The following AP2B1 variants were observed in gnomAD, a reference collection of about 807,000 sequenced individuals.
The protein encoded by AP2B1 is adaptor related protein complex 2 subunit beta 1.
In AP2B1, 23 loss-of-function variants were observed where a neutral mutation model predicts 102.0. That is an observed-to-expected ratio of 0.23 (90% CI 0.16 to 0.32). The LOEUF (loss-of-function observed/expected upper bound fraction) is 0.32, where lower values mean the gene tolerates loss of function less well. Among genes scored for constraint, AP2B1 ranks in the 10% least tolerant of loss-of-function variants. The pLI is 1.00. For synonymous variants in AP2B1, 381 were observed against 421.2 expected (o/e 0.90, Z 1.17); for missense variants, 541 against 1,157.4 (o/e 0.47, Z 7.73).
intron 5 of AP2B1, among the ~76,000 whole-genome samples, chr17:35,614,084 TA>T: frequency 6.6e-6 from 1 of 152,218 alleles, no homozygotes; most frequent in Non-Finnish European, 1.5e-5. Context: ...CAGAGGCATT[TA>T]GGGGTATTCA....
At chr17:35,683,966 A>G (rs1347023399) in intron 18 of AP2B1, among the ~76,000 whole-genome samples, 2 of 152,250 alleles carry the variant, frequency 1.3e-5, no homozygotes, top group African/African-American at 2.4e-5. Context: ...GGCCCAATCA[A>G]TGCCATAGAT....
intron 9 of AP2B1, among the ~76,000 whole-genome samples, chr17:35,635,407 C>A (rs948851131): frequency 6.6e-6 from 1 of 151,958 alleles, no homozygotes; most frequent in Non-Finnish European, 1.5e-5. Flanking sequence ...TTTTTTGAGA[C>A]GGAGTCTCGT....
chr17:35,601,979 G>T (rs2073504141), intron 3 of AP2B1, among the ~76,000 whole-genome samples: 1 of 152,144 alleles, frequency 6.6e-6, no homozygotes, highest in Non-Finnish European at 1.5e-5. Context: ...GTTTCTGCAT[G>T]TTGGTCAGGC....
At chr17:35,699,911 C>G (rs1397692290) in intron 18 of AP2B1, among the ~76,000 whole-genome samples, 1 of 151,896 alleles carries the variant, frequency 6.6e-6, no homozygotes, top group Non-Finnish European at 1.5e-5. Flanking sequence ...CTAGTCTATT[C>G]CAGTATGTAG....
chr17:35,723,226 C>T (rs185252305), intron 21 of AP2B1, among the ~76,000 whole-genome samples: 2 of 152,212 alleles, frequency 1.3e-5, no homozygotes, highest in Non-Finnish European at 1.5e-5. Flanking sequence ...ATCCTCTTGT[C>T]AGACTGAGAA....
chr17:35,613,520 A>G (rs1278052492), intron 5 of AP2B1, among the ~76,000 whole-genome samples: 2 of 152,188 alleles, frequency 1.3e-5, no homozygotes, highest in African/African-American at 4.8e-5. Context: ...AGAAAAGATG[A>G]ATTTAGAAGT....
intron 6 of AP2B1, among the ~76,000 whole-genome samples, chr17:35,626,031 G>C (rs1308932922): frequency 2.0e-5 from 3 of 152,036 alleles, no homozygotes; most frequent in Admixed American, 6.6e-5. Flanking sequence ...GCTAGGAGAG[G>C]GGGGAGACAG....
intron 13 of AP2B1, among the ~76,000 whole-genome samples, chr17:35,652,870 A>T (rs562299694): frequency 1.3e-5 from 2 of 152,236 alleles, no homozygotes; most frequent in Non-Finnish European, 2.9e-5. Flanking sequence ...ATGTCAGAAG[A>T]TGACAGAATT....
Position 35,608,104 on chromosome 17 carries a change from C to T in AP2B1, c.280-38C>T, listed in dbSNP as rs201639784. On this transcript the variant is annotated intron_variant, in intron 4 of 21. Transcript: ENST00000610402. ...AACTGGACTGTTTACTTTTAGCCAC[C>T]ATGTATACCTACAGTTGTTGGTGAT... 346 of 1,608,336 alleles carry T rather than the reference C, an allele frequency of 2.2e-4. 1 individual carries two copies. The highest frequency in any genetic ancestry group is 2.6e-4 in the Non-Finnish European group (310 of 1,177,384).
intron 21 of AP2B1, among the ~76,000 whole-genome samples, chr17:35,720,035 T>C (rs1248833067): frequency 5.9e-5 from 9 of 152,164 alleles, no homozygotes; most frequent in African/African-American, 2.2e-4. Context: ...ACTTGAAAGA[T>C]GTCACTTTAT....
rs1209316866 is a variant in AP2B1 at position 35,725,923 on chromosome 17, C to CTCTT, written c.*2225_*2228dup. Reference sequence around the variant, plus strand: ...TGACCTGACTGAGCCAACCCATGAACTCTTCACTCCTTGGGGAAGCCACCT... The same window carrying CTCTT: ...TGACCTGACTGAGCCAACCCATGAACTCTTTCTTCACTCCTTGGGGAAGCCACCT... On this transcript the variant is annotated 3_prime_UTR_variant, in exon 22 of 22. Coordinates refer to ENST00000610402, the MANE Select transcript of AP2B1 (RefSeq NM_001030006.2). 1 of 152,184 alleles carries CTCTT rather than the reference C, an allele frequency of 6.6e-6. No homozygotes were observed. Among genetic ancestry groups the CTCTT allele is most frequent in the Non-Finnish European group, 1.5e-5 (1 of 68,058 alleles). 9.4% of individuals were successfully genotyped at this position (152,184 alleles called of 1,614,324 possible). A position where few individuals can be genotyped will look rare whatever the true frequency, so the allele number is the denominator to read the frequency against.
intron 5 of AP2B1, among the ~76,000 whole-genome samples, chr17:35,609,344 G>C (rs916975404): frequency 9.3e-6 from 1 of 108,046 alleles, no homozygotes; most frequent in Non-Finnish European, 1.8e-5. Flanking sequence ...ACCACATCCC[G>C]CTAATTTTTT....
At chr17:35,600,751 C>T (rs1237133769) in intron 3 of AP2B1, among the ~76,000 whole-genome samples, 2 of 151,902 alleles carry the variant, frequency 1.3e-5, no homozygotes. Flanking sequence ...GTTTTAATTC[C>T]TGACATGGTA....
intron 5 of AP2B1, among the ~76,000 whole-genome samples, chr17:35,622,224 A>C (rs2074199524): frequency 6.6e-6 from 1 of 152,192 alleles, no homozygotes; most frequent in Non-Finnish European, 1.5e-5. Context: ...ACAAGTATAA[A>C]ATAGTATATC....
chr17:35,705,228 A>G (rs2076317350), intron 18 of AP2B1, among the ~76,000 whole-genome samples: 1 of 152,188 alleles, frequency 6.6e-6, no homozygotes, highest in Non-Finnish European at 1.5e-5. Context: ...TGAGAGCTGC[A>G]AAATACAGAT....
chr17:35,637,825 C>T (rs759734212), intron 10 of AP2B1, among the ~76,000 whole-genome samples: 1 of 151,586 alleles, frequency 6.6e-6, no homozygotes, highest in Non-Finnish European at 1.5e-5. Flanking sequence ...GCTGGGATTA[C>T]AGGTGGCTGC....
At chr17:35,652,347 G>A (rs930319261) in intron 13 of AP2B1, among the ~76,000 whole-genome samples, 24 of 152,112 alleles carry the variant, frequency 1.6e-4, no homozygotes, top group African/African-American at 4.3e-4. Context: ...TGCAATGTGA[G>A]GTTAATAAGT....
At chr17:35,659,019 T>TAAA (rs2075299133) in intron 14 of AP2B1, among the ~76,000 whole-genome samples, 2 of 152,238 alleles carry the variant, frequency 1.3e-5, no homozygotes, top group Non-Finnish European at 2.9e-5. Context: ...TTCTTGGGAA[T>TAAA]ATAAGCAAAT....
At chr17:35,716,036 T>A (rs1213368533) in intron 20 of AP2B1, among the ~76,000 whole-genome samples, 6 of 152,168 alleles carry the variant, frequency 3.9e-5, no homozygotes, top group Non-Finnish European at 7.3e-5. Context: ...TGATGAAAGG[T>A]ACCTGTTGTA....
Sources: gnomAD v4.1 joint callset for allele counts (sites outside exome capture counted in the v4.1 genomes callset) on GRCh38, gnomAD v4.1.1 for gene constraint, MANE v1.5 for transcripts, NCBI Gene and HGNC (gene_info 2026-07-23, HGNC 2026-07-21) for gene names.